The following LRRC24 variants were observed in gnomAD, a reference collection of about 807,000 sequenced individuals.
LRRC24 encodes the protein leucine rich repeat containing 24.
Under a neutral mutation model 15.3 loss-of-function variants are expected in LRRC24, and 19 were observed. The ratio of observed to expected loss-of-function variants is 1.25; its 90% CI spans 0.87 to 1.83. The LOEUF (loss-of-function observed/expected upper bound fraction) is 1.83, where lower values mean the gene tolerates loss of function less well. Ranked by LOEUF, LRRC24 falls within the 40% of genes most tolerant of loss-of-function variation. The pLI is 0.00. For missense variants in LRRC24, 914 were observed against 723.9 expected (o/e 1.26, Z -3.01); for synonymous variants, 469 against 359.6 (o/e 1.30, Z -3.44).
chr8:144,522,737 C>T lies in LRRC24; in HGVS notation c.1280G>A (p.Arg427His), dbSNP rs376225545. 1.2e-4 allele frequency: 183 copies of T among 1,590,432 alleles called. No homozygotes were observed. In the African/African-American group the frequency reaches 2.2e-3, roughly 19 times the overall value. Residue 427 changes from arginine (R) to histidine (H), a missense_variant, in exon 5 of 5, where the codon CGC becomes CAC. Transcript: ENST00000529415. ...CGCCTTTTTTCGCCTGCGGCGCCGG[C>T]GACAGATCATGGCGACCAGGAGCAG... ...TALLLVAMIC[R>H]RRRRRKKARG...
intron 2 of LRRC24, 22 bp from the exon 3 acceptor site, chr8:144,524,741 G>A (rs1294540395): frequency 6.9e-7 from 1 of 1,441,274 alleles, no homozygotes; most frequent in Admixed American, 2.8e-5. Context: ...GGAAAGAGGA[G>A]GCGCTTACCC....
At chr8:144,524,411 A>G (rs1816270028) in intron 3 of LRRC24, 30 bp downstream of exon 3, 1 of 1,596,798 alleles carries the variant, frequency 6.3e-7, no homozygotes, top group African/African-American at 1.3e-5. Flanking sequence ...ATAATGGAGT[A>G]TCCCGCCCCT....
chr8:144,522,544 GCA>G lies in LRRC24; in HGVS notation c.1471_1472del (p.Cys491ArgfsTer30), dbSNP rs753170082. The G allele has an allele frequency of 3.9e-6, 6 of 1,528,016 alleles. No homozygotes were observed. Among genetic ancestry groups the G allele is most frequent in the Non-Finnish European group, 5.3e-6 (6 of 1,139,704 alleles). The allele number at this position is 1,528,016 out of a possible 1,614,324, so 94.7% of individuals were successfully genotyped here. A position where few individuals can be genotyped will look rare whatever the true frequency, so the allele number is the denominator to read the frequency against. On this transcript the variant is annotated frameshift_variant, in exon 5 of 5. Coordinates refer to ENST00000529415, the MANE Select transcript of LRRC24 (RefSeq NM_001024678.4). LOFTEE classifies it low-confidence loss of function (END_TRUNC). ...CCGGCCCCGCCCCCTGTTCCGGGCC[GCA>G]GTCAGCGGGCGCCTCCGCCGGACCC... is the stretch of plus-strand genomic sequence containing the variant. Reference protein sequence around the residue: ...AEGPAEAPADCGPEQGAGPGL... With the variant: ...AEGPAEAPADXGPEQGAGPGL...
chr8:144,526,104 A>G (rs1431510734), intron 1 of LRRC24: 4 of 152,244 alleles, frequency 2.6e-5, no homozygotes, highest in Non-Finnish European at 5.9e-5. Flanking sequence ...TTGCCTGTCC[A>G]TCAGCTCTTC....
intron 4 of LRRC24, 74 bp downstream of exon 4, chr8:144,524,036 C>A: frequency 2.0e-6 from 3 of 1,515,144 alleles, no homozygotes; most frequent in Non-Finnish European, 2.7e-6. Context: ...ATGTCAGAGC[C>A]CCTCCACACA....
chr8:144,525,159 G>T (rs1325794725), intron 1 of LRRC24, 126 bp from the exon 2 acceptor site: 6 of 574,664 alleles, frequency 1.0e-5, no homozygotes, highest in East Asian at 6.9e-5. Context: ...AAACGTTCTG[G>T]TTTTCTCCTT....
chr8:144,526,183 T>C (rs942917439), intron 1 of LRRC24: 7 of 152,248 alleles, frequency 4.6e-5, no homozygotes, highest in Admixed American at 1.3e-4. Context: ...CCCTAAATTG[T>C]AACTCACATG....
intron 1 of LRRC24, chr8:144,526,544 CCT>C (rs980099111): frequency 2.0e-5 from 3 of 152,266 alleles, no homozygotes; most frequent in Non-Finnish European, 4.4e-5. Context: ...GCCCAGAAAT[CCT>C]TTTACCAGAG....
chr8:144,524,083 CAG>C (rs770933905), intron 4 of LRRC24, 25 bp downstream of exon 4: 8 of 1,590,222 alleles, frequency 5.0e-6, no homozygotes, highest in African/African-American at 1.3e-5. Context: ...GTGGCCCAGA[CAG>C]AGACGCTTTC....
rs1816286373 is a variant in LRRC24, at chr8:144,524,654, AG to A, written c.224del (p.Ala75ValfsTer45). 6.7e-7 allele frequency: 1 copy of A among 1,500,010 alleles called. No homozygotes were observed. Among genetic ancestry groups the A allele is most frequent in the Non-Finnish European group, 8.8e-7 (1 of 1,134,576 alleles). The allele number at this position is 1,500,010 out of a possible 1,614,324, so 92.9% of individuals were successfully genotyped here. ...TGTTGTGCAGGTAGAGCCGGCGCAG[AG>A]CGGCGAGTGGCGCCAGGGCTCCCGG... The part of the protein sequence containing the change: ...LEPGALAPLA[A>X]LRRLYLHNNS... On this transcript the variant is annotated frameshift_variant, in exon 3 of 5. Coordinates refer to ENST00000529415, the MANE Select transcript of LRRC24 (RefSeq NM_001024678.4). LOFTEE classifies it high-confidence loss of function.
In LRRC24 at chr8:144,522,648, C is replaced by G; in HGVS notation, c.1369G>C (p.Ala457Pro). 1 of 1,586,110 alleles carries G rather than the reference C, an allele frequency of 6.3e-7. No homozygotes were observed. Among genetic ancestry groups the G allele is most frequent in the Non-Finnish European group, 8.6e-7 (1 of 1,168,298 alleles). ...TCGTCGCGGAGCTCCTCTAGCTGTG[C>G]GAACGTACAGGGGCCGTCCAAGTAG... The part of the protein sequence containing the change: ...NDYLDGPCTF[A>P]QLEELRDERG... The change falls in exon 5 of 5, where the codon GCA becomes CCA. Residue 457 changes from alanine (A) to proline (P), a missense_variant. By Grantham distance (27) the Ala-to-Pro change is conservative. Coordinates refer to ENST00000529415, the MANE Select transcript of LRRC24 (RefSeq NM_001024678.4).
rs1816256593 is a variant in LRRC24 at position 144,524,241 on chromosome 8, T to G, written c.476A>C (p.Glu159Ala). ...CGCTAGAGCCTGGTCCTCCAGCAGC[T>G]CAATGCTGTTTTCTTGCAGGTGAAG... ...QELHLQENSI[E>A]LLEDQALAGL... is the part of the protein sequence containing the mutation. Residue 159 changes from glutamate to alanine, a missense_variant, in exon 4 of 5, where the codon GAG becomes GCG. Transcript: ENST00000529415. 1.2e-6 allele frequency: 2 copies of G among 1,612,604 alleles called. No homozygotes were observed. The highest frequency in any genetic ancestry group is 1.7e-6 in the Non-Finnish European group (2 of 1,179,958).
chr8:144,523,913 G>T (rs1284363459), intron 4 of LRRC24, 197 bp downstream of exon 4: 3 of 651,528 alleles, frequency 4.6e-6, no homozygotes, highest in Non-Finnish European at 7.9e-6. Context: ...CCTGTCTTCT[G>T]TTTTCCCCAG....
At position 144,523,228 on chromosome 8, in the gene LRRC24, G is replaced by T. The variant is rs530716231; in HGVS notation, c.789C>A (p.His263Gln). 659 of 1,610,046 alleles carry T rather than the reference G, an allele frequency of 4.1e-4. 7 individuals are homozygous for T. In the South Asian group the frequency reaches 7.0e-3, roughly 17 times the overall value. ...TGGCTGTGAGCTCCAGCGGCTGCAC[G>T]TGGACAGAGGGCGGAATGCAGATGA... ...SSLICIPPSVHVQPLELTANL... is the reference protein window; with the variant it reads ...SSLICIPPSVQVQPLELTANL... The change falls in exon 5 of 5, where the codon CAC becomes CAA. Residue 263 changes from histidine to glutamine, a missense_variant. Coordinates refer to ENST00000529415, the MANE Select transcript of LRRC24 (RefSeq NM_001024678.4).
rs1236395497 is a variant in LRRC24, at chr8:144,524,602, C to T, written c.277G>A (p.Ala93Thr). 6.5e-7 allele frequency: 1 copy of T among 1,527,476 alleles called. No individual in the cohort carries two copies. The highest frequency in any genetic ancestry group is 8.7e-7 in the Non-Finnish European group (1 of 1,146,174). 94.6% of individuals were successfully genotyped at this position (1,527,476 alleles called of 1,614,324 possible). A position where few individuals can be genotyped will look rare whatever the true frequency, so the allele number is the denominator to read the frequency against. The change falls in exon 3 of 5, where the codon GCC becomes ACC. Residue 93 changes from alanine to threonine, a missense_variant. Transcript: ENST00000529415. ...NNSLRALEAG[A>T]FRAQPRLLEL... The stretch of plus-strand genomic sequence containing the variant: ...AGCAGGCGCGGCTGCGCGCGGAAGG[C>T]GCCGGCCTCCAGGGCGCGCAGGCTG...
chr8:144,522,902 G>T lies in LRRC24; in HGVS notation c.1115C>A (p.Pro372His). 1 of 1,327,308 alleles carries T rather than the reference G, an allele frequency of 7.5e-7. No homozygotes were observed. The highest frequency in any genetic ancestry group is 9.6e-7 in the Non-Finnish European group (1 of 1,044,934). 82.2% of individuals were successfully genotyped at this position (1,327,308 alleles called of 1,614,324 possible). A position where few individuals can be genotyped will look rare whatever the true frequency, so the allele number is the denominator to read the frequency against. Residue 372 changes from proline (P) to histidine (H), a missense_variant, in exon 5 of 5, where the codon CCC becomes CAC. Physicochemically the swap from Pro to His is moderately conservative, Grantham distance 77 (BLOSUM62 -2). Transcript: ENST00000529415. ...VNASRQQPQQPAQPPPPAARP... is the reference protein window; with the variant it reads ...VNASRQQPQQHAQPPPPAARP... Reference sequence around the variant, plus strand: ...GGCGGCCGGAGGCGGCGGTTGCGCGGGCTGCTGCGGCTGCTGCCGGGACGC... The same window carrying T: ...GGCGGCCGGAGGCGGCGGTTGCGCGTGCTGCTGCGGCTGCTGCCGGGACGC...
Position 144,524,893 on chromosome 8 carries a change from G to C in LRRC24, c.82C>G (p.Arg28Gly). Residue 28 changes from arginine to glycine, a missense_variant, in exon 2 of 5, where the codon CGC becomes GGC. Coordinates refer to ENST00000529415, the MANE Select transcript of LRRC24 (RefSeq NM_001024678.4). ...CACTCCACCGTGGCGCTGTAGCAGC[G>C]GCAGGCTGCTGGGCAGCCGGCGGCG... ...LRAAGCPAAC[R>G]CYSATVECGA... The C allele has an allele frequency of 1.3e-6, 2 of 1,515,080 alleles. No individual in the cohort carries two copies. Among genetic ancestry groups the C allele is most frequent in the South Asian group, 1.2e-5 (1 of 82,802 alleles). 93.9% of individuals were successfully genotyped at this position (1,515,080 alleles called of 1,614,324 possible).
intron 1 of LRRC24, chr8:144,526,405 G>T (rs1816361745): frequency 6.6e-6 from 1 of 152,258 alleles, no homozygotes; most frequent in African/African-American, 2.4e-5. Context: ...CCCCAGGAAG[G>T]CTTCTCAAGT....
At position 144,522,498 on chromosome 8, in the gene LRRC24, C is replaced by T. The variant is rs1816143053; in HGVS notation, c.1519G>A (p.Val507Ile). ...AGPGLRVPPP[V>I]AYEIHC Reference sequence around the variant, plus strand: ...CCCTAGCAGTGGATCTCGTAGGCGACCGGCGGGGGCACGCGGAGTCCCGGC... The same window carrying T: ...CCCTAGCAGTGGATCTCGTAGGCGATCGGCGGGGGCACGCGGAGTCCCGGC... Residue 507 changes from valine (V) to isoleucine (I), a missense_variant, in exon 5 of 5, where the codon GTC becomes ATC. By Grantham distance (29) the Val-to-Ile change is conservative (BLOSUM62 3). Coordinates refer to ENST00000529415, the MANE Select transcript of LRRC24 (RefSeq NM_001024678.4). 6.7e-7 allele frequency: 1 copy of T among 1,492,994 alleles called. No individual in the cohort carries two copies. The highest frequency in any genetic ancestry group is 8.9e-7 in the Non-Finnish European group (1 of 1,127,424). 92.5% of individuals were successfully genotyped at this position (1,492,994 alleles called of 1,614,324 possible).
Sources: allele counts gnomAD v4.1 joint callset, GRCh38; gene constraint gnomAD v4.1.1; transcripts MANE v1.5; gene names NCBI Gene and HGNC (gene_info 2026-07-23, HGNC 2026-07-21).